CNGB3: variants seen among roughly 807,000 people sequenced by gnomAD.
The protein encoded by CNGB3 is cyclic nucleotide-gated channel beta-3.
CNGB3 carries 86 observed loss-of-function variants against 92.8 expected under a neutral mutation model. The ratio of observed to expected loss-of-function variants is 0.93; its 90% confidence interval spans 0.78 to 1.11. The LOEUF (loss-of-function observed/expected upper bound fraction) is 1.11, where lower values mean the gene tolerates loss of function less well. Among genes scored for constraint, CNGB3 ranks in the 50% least tolerant of loss-of-function variants. CNGB3 has a pLI of 0.00. For synonymous variants in CNGB3, 333 were observed against 332.7 expected (o/e 1.00, Z -0.01); for missense variants, 1,026 against 956.8 (o/e 1.07, Z -0.95).
At chr8:86,618,391 A>G (rs1585972573) in intron 13 of CNGB3, among the ~76,000 whole-genome samples, 1 of 152,208 alleles carries the variant, frequency 6.6e-6, no homozygotes, top group South Asian at 2.1e-4. Context: ...ACATGGTTGC[A>G]TCAGTTTTAT....
intron 10 of CNGB3, among the ~76,000 whole-genome samples, chr8:86,636,710 G>A (rs2131588940): frequency 6.6e-6 from 1 of 151,422 alleles, no homozygotes; most frequent in South Asian, 2.1e-4. Flanking sequence ...TTTGCATAAT[G>A]GAAGCTTTGT....
intron 8 of CNGB3, among the ~76,000 whole-genome samples, chr8:86,645,153 A>C (rs900206921): frequency 1.3e-5 from 2 of 151,336 alleles, no homozygotes; most frequent in African/African-American, 4.8e-5. Flanking sequence ...TTTAAACAAA[A>C]TTTAAAGTTC....
intron 7 of CNGB3, among the ~76,000 whole-genome samples, chr8:86,650,641 A>G (rs1823383894): frequency 6.6e-6 from 1 of 151,652 alleles, no homozygotes; most frequent in Admixed American, 6.6e-5. Flanking sequence ...GAAAGTGGCC[A>G]TATTAAAAAG....
chr8:86,723,813 C>T lies in CNGB3; in HGVS notation c.338+2718G>A, dbSNP rs573376153. Among the ~76,000 whole-genome samples, 10 of 152,270 alleles carry T rather than the reference C, an allele frequency of 6.6e-5. No individual in the cohort carries two copies. The South Asian group carries it at 1.7e-3, about 25-fold the overall frequency. ...TAGTTTGTTAATACTTCTCAAACCA[C>T]TTTGCTATCTATGTTGTAGCCAGGA... On this transcript the variant is annotated intron_variant, in intron 3 of 17. Transcript: ENST00000320005.
intron 3 of CNGB3, among the ~76,000 whole-genome samples, chr8:86,679,528 CTTTTTCT>C (rs1824039679): frequency 2.1e-5 from 2 of 96,160 alleles, no homozygotes; most frequent in South Asian, 7.5e-4. Context: ...CTTTCTTTTT[CTTTTTCT>C]TTTTTTTTGA....
At chr8:86,589,668 C>T (rs1352077352) in intron 15 of CNGB3, among the ~76,000 whole-genome samples, 1 of 152,132 alleles carries the variant, frequency 6.6e-6, no homozygotes, top group African/African-American at 2.4e-5. Flanking sequence ...ATTCTTAGTC[C>T]TGAGTTCTAG....
At chr8:86,724,255 T>C (rs1202267721) in intron 3 of CNGB3, among the ~76,000 whole-genome samples, 2 of 152,180 alleles carry the variant, frequency 1.3e-5, no homozygotes, top group African/African-American at 4.8e-5. Flanking sequence ...AAAGCCATGT[T>C]AGAAGAGAAG....
chr8:86,725,716 A>G (rs191196364), intron 3 of CNGB3, among the ~76,000 whole-genome samples: 73 of 152,328 alleles, frequency 4.8e-4, no homozygotes, highest in African/African-American at 1.8e-3. Context: ...TTAACACAGT[A>G]GAGGTGCTGC....
Position 86,694,057 on chromosome 8 carries a change from C to T in CNGB3, c.339-22959G>A, listed in dbSNP as rs1344583840. 4.9e-3 allele frequency among the ~76,000 whole-genome samples: 476 copies of T among 97,390 alleles called. 4 individuals carry two copies. Among genetic ancestry groups the T allele is most frequent in the African/African-American group, 0.02 (466 of 23,174 alleles). The allele number at this position is 97,390 out of a possible 152,430, so 63.9% of individuals were successfully genotyped here. On this transcript the variant is annotated intron_variant, in intron 3 of 17. Coordinates refer to ENST00000320005, the MANE Select transcript of CNGB3 (RefSeq NM_019098.5). Reference sequence around the variant, plus strand: ...GGCGCCCCTCACCTCCCGGACGGGGCGGCTGGCCGGGCGGGGGGGCTGACC... The same window carrying T: ...GGCGCCCCTCACCTCCCGGACGGGGTGGCTGGCCGGGCGGGGGGGCTGACC...
intron 16 of CNGB3, 80 bp downstream of exon 16, chr8:86,579,026 A>G: frequency 1.3e-6 from 2 of 1,583,176 alleles, no homozygotes; most frequent in South Asian, 1.1e-5. Flanking sequence ...TATCACAATC[A>G]TAATACGGTT....
rs192739471 is a variant in CNGB3, at chr8:86,600,070, C to T, written c.1781+4023G>A. 5.0e-4 allele frequency among the ~76,000 whole-genome samples: 76 copies of T among 152,288 alleles called. 1 individual carries two copies. The highest frequency in any genetic ancestry group is 1.8e-3 in the African/African-American group (74 of 41,566). ...TCTCTTGTACTCTGTTCCTTTATTT[C>T]TCAGACCAGCCAACACTTAGGGAAA... is the stretch of plus-strand genomic sequence containing the variant. On this transcript the variant is annotated intron_variant, in intron 15 of 17. Coordinates refer to ENST00000320005, the MANE Select transcript of CNGB3 (RefSeq NM_019098.5).
At chr8:86,606,146 G>GTTTT (rs34987710) in intron 14 of CNGB3, among the ~76,000 whole-genome samples, 1 of 91,974 alleles carries the variant, frequency 1.1e-5, no homozygotes, top group Admixed American at 1.2e-4. Context: ...TTTGGGGTTG[G>GTTTT]TTTTTTTTTT....
chr8:86,593,558 T>C (rs1167767985), intron 15 of CNGB3, among the ~76,000 whole-genome samples: 4 of 152,350 alleles, frequency 2.6e-5, no homozygotes, highest in Admixed American at 6.5e-5. Flanking sequence ...TTTGTTTTGT[T>C]TTCTCTCTCC....
At chr8:86,736,846 TAG>T (rs998192262) in intron 2 of CNGB3, among the ~76,000 whole-genome samples, 20 of 152,166 alleles carry the variant, frequency 1.3e-4, no homozygotes, top group Non-Finnish European at 2.5e-4. Flanking sequence ...TTGGATCAGA[TAG>T]AGTTTTAGGA....
Position 86,575,570 on chromosome 8 carries a change from T to C in CNGB3, c.*234A>G. 5 of 465,694 alleles carry C rather than the reference T, an allele frequency of 1.1e-5. 1 individual carries two copies. In the South Asian group the frequency reaches 2.0e-4, roughly 19 times the overall value. The allele number at this position is 465,694 out of a possible 1,614,324, so 28.8% of individuals were successfully genotyped here. ...AAACTTACTACATACAATTAGAAGA[T>C]ATAGCAATTGCATAAAGTTAATGAA... is the stretch of plus-strand genomic sequence containing the variant. On this transcript the variant is annotated 3_prime_UTR_variant, in exon 18 of 18. Coordinates refer to ENST00000320005, the MANE Select transcript of CNGB3 (RefSeq NM_019098.5).
chr8:86,665,953 G>T (rs1823733408), intron 6 of CNGB3, among the ~76,000 whole-genome samples: 1 of 152,152 alleles, frequency 6.6e-6, no homozygotes, highest in Non-Finnish European at 1.5e-5. Flanking sequence ...TTTTCCCAAA[G>T]TGTCCAGGCC....
intron 3 of CNGB3, among the ~76,000 whole-genome samples, chr8:86,689,161 T>G (rs1044826704): frequency 2.5e-4 from 38 of 152,008 alleles, no homozygotes; most frequent in African/African-American, 8.4e-4. Flanking sequence ...TCATGTTTTT[T>G]TTTTCAATTT....
At chr8:86,707,599 G>A (rs916980367) in intron 3 of CNGB3, 1 of 152,400 alleles carries the variant, frequency 6.6e-6, no homozygotes, top group African/African-American at 2.4e-5. Flanking sequence ...GGGGCTCTGT[G>A]GGCCATCATG....
intron 7 of CNGB3, among the ~76,000 whole-genome samples, chr8:86,649,864 C>T: frequency 6.6e-6 from 1 of 151,672 alleles, no homozygotes. Flanking sequence ...AGACAACTCA[C>T]AGAATGGGAG....
Sources: allele counts gnomAD v4.1 joint callset (sites outside exome capture counted in the v4.1 genomes callset), GRCh38; gene constraint gnomAD v4.1.1; transcripts MANE v1.5; gene names NCBI Gene and HGNC (gene_info 2026-07-23, HGNC 2026-07-21).